The following NRXN3 variants were observed in gnomAD, a reference collection of about 807,000 sequenced individuals.
The protein encoded by NRXN3 is neurexin 3.
In NRXN3, 32 loss-of-function variants were observed where a neutral mutation model predicts 137.6. The ratio of observed to expected loss-of-function variants is 0.23; its 90% CI spans 0.18 to 0.31. The LOEUF is 0.31. Among genes scored for constraint, NRXN3 ranks in the 10% least tolerant of loss-of-function variants. NRXN3 has a pLI of 1.00. For synonymous variants in NRXN3, 798 were observed against 784.5 expected (o/e 1.02, Z -0.29); for missense variants, 1,574 against 2,062.5 (o/e 0.76, Z 4.59).
chr14:79,426,647 G>A (rs899209849), intron 15 of NRXN3, among the ~76,000 whole-genome samples: 1 of 152,174 alleles, frequency 6.6e-6, no homozygotes, highest in African/African-American at 2.4e-5. Flanking sequence ...GAATGGAAAT[G>A]GCCTTGTGTT....
At chr14:79,180,211 G>A (rs767881401) in intron 15 of NRXN3, among the ~76,000 whole-genome samples, 51 of 152,230 alleles carry the variant, frequency 3.4e-4, no homozygotes, top group Non-Finnish European at 6.3e-4. Context: ...TACATGTAGC[G>A]CCAAGGTAGC....
intron 16 of NRXN3, among the ~76,000 whole-genome samples, chr14:79,610,610 T>C (rs1285681898): frequency 2.0e-5 from 3 of 152,224 alleles, no homozygotes; most frequent in African/African-American, 7.2e-5. Context: ...CCTAGTATAA[T>C]ATTTCATACT....
At chr14:79,347,832 A>C (rs1427971308) in intron 15 of NRXN3, among the ~76,000 whole-genome samples, 3 of 152,194 alleles carry the variant, frequency 2.0e-5, no homozygotes, top group African/African-American at 7.2e-5. Flanking sequence ...TACCTCTAAA[A>C]GTTTTAGAAA....
Position 79,692,273 on chromosome 14 carries a change from T to G in NRXN3, c.3706+11T>G, listed in dbSNP as rs2098719513. 1 of 1,583,180 alleles carries G rather than the reference T, an allele frequency of 6.3e-7. No homozygotes were observed. The highest frequency in any genetic ancestry group is 8.6e-7 in the Non-Finnish European group (1 of 1,159,974). On this transcript the variant is annotated intron_variant, in intron 18 of 20. Coordinates refer to ENST00000335750, the MANE Select transcript of NRXN3 (RefSeq NM_001330195.2). ...GGCTGCAGGAAAAAGGTAACCGTCA[T>G]TAAAACTTTCATTTTAAAATCATTT...
At chr14:78,807,752 A>AG (rs2098884476) in intron 9 of NRXN3, among the ~76,000 whole-genome samples, 2 of 113,634 alleles carry the variant, frequency 1.8e-5, no homozygotes, top group Non-Finnish European at 3.6e-5. Context: ...AAAAAAAAAA[A>AG]AAAGAAAGAA....
At chr14:78,234,470 G>C (rs867453715) in intron 1 of NRXN3, among the ~76,000 whole-genome samples, 1 of 152,162 alleles carries the variant, frequency 6.6e-6, no homozygotes, top group African/African-American at 2.4e-5. Flanking sequence ...ATAAGTGATG[G>C]GCTCAAGGTC....
At position 78,943,622 on chromosome 14, in the gene NRXN3, ATATATATATAT is replaced by A. The variant is rs1436089760; in HGVS notation, c.2276-13619_2276-13609del. On this transcript the variant is annotated intron_variant, in intron 10 of 20. Transcript: ENST00000335750. ...GCAAGATCACTGTTAAAAAAAAAAA[ATATATATATAT>A]ATATATATATATATATATATATATA... 5.5e-3 allele frequency among the ~76,000 whole-genome samples: 133 copies of A among 24,274 alleles called. 11 individuals carry two copies. Among genetic ancestry groups the A allele is most frequent in the Middle Eastern group, 0.033 (1 of 30 alleles). The allele number at this position is 24,274 out of a possible 152,430, so 15.9% of individuals were successfully genotyped here.
At chr14:79,578,122 C>T (rs2097682154) in intron 16 of NRXN3, among the ~76,000 whole-genome samples, 2 of 152,158 alleles carry the variant, frequency 1.3e-5, no homozygotes, top group Admixed American at 1.3e-4. Context: ...TGATAATTTG[C>T]TCATAGGACT....
intron 10 of NRXN3, among the ~76,000 whole-genome samples, chr14:78,926,613 T>A (rs537066110): frequency 6.2e-5 from 7 of 113,096 alleles, no homozygotes; most frequent in Non-Finnish European, 1.0e-4. Flanking sequence ...TATATATATA[T>A]AATGTATATT....
At chr14:79,254,683 G>T (rs1338374513) in intron 15 of NRXN3, among the ~76,000 whole-genome samples, 1 of 152,132 alleles carries the variant, frequency 6.6e-6, no homozygotes, top group African/African-American at 2.4e-5. Flanking sequence ...GCTGCCATCA[G>T]TTGAGAGGAA....
intron 8 of NRXN3, among the ~76,000 whole-genome samples, chr14:78,745,600 T>A (rs2098603401): frequency 6.6e-6 from 1 of 152,228 alleles, no homozygotes; most frequent in Non-Finnish European, 1.5e-5. Context: ...CTAGTGGTCC[T>A]TTGCGTTTGC....
At chr14:79,008,177 A>G (rs1382464642) in intron 15 of NRXN3, among the ~76,000 whole-genome samples, 1 of 152,234 alleles carries the variant, frequency 6.6e-6, no homozygotes, top group Non-Finnish European at 1.5e-5. Flanking sequence ...TCTACAAATC[A>G]ACTCTGTTAA....
At chr14:78,582,287 A>G (rs1158483616) in intron 4 of NRXN3, among the ~76,000 whole-genome samples, 1 of 152,218 alleles carries the variant, frequency 6.6e-6, no homozygotes, top group Admixed American at 6.5e-5. Flanking sequence ...CTCTCCCACC[A>G]CTGCTGTTTT....
At chr14:78,997,178 A>G (rs2099531787) in intron 15 of NRXN3, among the ~76,000 whole-genome samples, 1 of 152,190 alleles carries the variant, frequency 6.6e-6, no homozygotes, top group Non-Finnish European at 1.5e-5. Context: ...ATTGGTTTCT[A>G]CAAACCCCAG....
chr14:79,082,529 G>C (rs1024177051), intron 15 of NRXN3, among the ~76,000 whole-genome samples: 2 of 152,022 alleles, frequency 1.3e-5, no homozygotes, highest in African/African-American at 4.8e-5. Context: ...GAGTCATGGT[G>C]AGCATCATGG....
intron 19 of NRXN3, among the ~76,000 whole-genome samples, chr14:79,707,623 A>C (rs1047855083): frequency 3.9e-5 from 6 of 152,176 alleles, no homozygotes; most frequent in Non-Finnish European, 8.8e-5. Flanking sequence ...ATGGGATTAT[A>C]ATCTGGTCTC....
chr14:78,786,816 G>A (rs2098790546), intron 8 of NRXN3, among the ~76,000 whole-genome samples: 1 of 152,086 alleles, frequency 6.6e-6, no homozygotes, highest in Non-Finnish European at 1.5e-5. Context: ...GATTTTGGAA[G>A]CAGGATTCCA....
At chr14:78,849,147 G>A (rs553279851) in intron 10 of NRXN3, among the ~76,000 whole-genome samples, 1 of 152,224 alleles carries the variant, frequency 6.6e-6, no homozygotes, top group East Asian at 1.9e-4. Context: ...CTTAAGGAGT[G>A]GGTCTGTATT....
intron 15 of NRXN3, among the ~76,000 whole-genome samples, chr14:79,432,569 T>G (rs1301376413): frequency 6.6e-6 from 1 of 152,220 alleles, no homozygotes; most frequent in Non-Finnish European, 1.5e-5. Context: ...AGAAGAATAT[T>G]TCACTTCTCC....
Sources: allele counts gnomAD v4.1 joint callset (sites outside exome capture counted in the v4.1 genomes callset), GRCh38; gene constraint gnomAD v4.1.1; transcripts MANE v1.5; gene names NCBI Gene and HGNC (gene_info 2026-07-23, HGNC 2026-07-21).